The following PIK3C2G variants were observed in gnomAD, a reference collection of about 807,000 sequenced individuals.
The protein encoded by PIK3C2G is phosphatidylinositol-4-phosphate 3-kinase catalytic subunit type 2 gamma.
PIK3C2G carries 168 observed loss-of-function variants against 181.1 expected under a neutral mutation model. The ratio of observed to expected loss-of-function variants is 0.93; its 90% confidence interval spans 0.82 to 1.05. The LOEUF (loss-of-function observed/expected upper bound fraction) is 1.05, where lower values mean the gene tolerates loss of function less well. PIK3C2G is among the 50% of genes least tolerant of loss of function. The probability of loss-of-function intolerance (pLI) is 0.00; values close to 1 mark genes in which losing one functional copy is unlikely to be tolerated. For synonymous variants in PIK3C2G, 573 were observed against 592.2 expected (o/e 0.97, Z 0.47); for missense variants, 1,869 against 1,732.8 (o/e 1.08, Z -1.40).
intron 20 of PIK3C2G, among the ~76,000 whole-genome samples, chr12:18,494,711 G>A (rs941463411): frequency 3.9e-5 from 6 of 152,174 alleles, no homozygotes; most frequent in South Asian, 2.1e-4. Context: ...CTCATTTCTT[G>A]CCTCATACAG....
chr12:18,300,010 G>T (rs1374751052), intron 5 of PIK3C2G, among the ~76,000 whole-genome samples: 4 of 151,910 alleles, frequency 2.6e-5, no homozygotes, highest in Admixed American at 6.6e-5. Flanking sequence ...TGGTGGCTTT[G>T]TCTGGTTTTA....
chr12:18,245,374 G>C (rs1948029342), upstream of PIK3C2G, among the ~76,000 whole-genome samples: 1 of 151,930 alleles, frequency 6.6e-6, no homozygotes, highest in Non-Finnish European at 1.5e-5. Flanking sequence ...CGTAGTGAAA[G>C]ATTTACTTAC....
At chr12:18,303,901 G>A (rs1484584859) in intron 5 of PIK3C2G, among the ~76,000 whole-genome samples, 9 of 151,170 alleles carry the variant, frequency 6.0e-5, no homozygotes, top group Admixed American at 2.6e-4. Context: ...TTTAATTGAC[G>A]GTTGTCAAGG....
rs1442851907 is a variant in PIK3C2G at position 18,573,963 on chromosome 12, A to T, written c.4011+6906A>T. On this transcript the variant is annotated intron_variant, in intron 29 of 32. Coordinates refer to ENST00000538779, the MANE Select transcript of PIK3C2G (RefSeq NM_001288772.2). ...CTAAACCCTAATTCTGTCCCATCTC[A>T]CATGTGGATCAAAAAAGGCTTTTAA... is the stretch of plus-strand genomic sequence containing the variant. 3.3e-5 allele frequency among the ~76,000 whole-genome samples: 5 copies of T among 152,176 alleles called. No individual in the cohort carries two copies. The East Asian group carries it at 7.7e-4, about 24-fold the overall frequency.
At chr12:18,457,029 T>C (rs1275026017) in intron 18 of PIK3C2G, among the ~76,000 whole-genome samples, 2 of 152,112 alleles carry the variant, frequency 1.3e-5, no homozygotes, top group African/African-American at 2.4e-5. Context: ...AAATGGTGAC[T>C]TTCAAAGCAT....
intron 1 of PIK3C2G, chr12:18,248,229 C>T (rs1375267717): frequency 6.6e-6 from 1 of 152,190 alleles, no homozygotes; most frequent in East Asian, 1.9e-4. Flanking sequence ...CTCCTTAAAC[C>T]AATTTGCAAC....
chr12:18,708,083 T>A, the PIK3C2G span, among the ~76,000 whole-genome samples: 1 of 152,214 alleles, frequency 6.6e-6, no homozygotes, highest in Non-Finnish European at 1.5e-5. Flanking sequence ...TTACCTATAA[T>A]CCTCATATGA....
At chr12:18,571,444 A>T (rs1945938716) in intron 29 of PIK3C2G, among the ~76,000 whole-genome samples, 1 of 150,834 alleles carries the variant, frequency 6.6e-6, no homozygotes, top group Non-Finnish European at 1.5e-5. Flanking sequence ...GTAGAGGTTT[A>T]TAGAAATATT....
intron 24 of PIK3C2G, among the ~76,000 whole-genome samples, chr12:18,507,268 G>T (rs1941894266): frequency 6.6e-6 from 1 of 152,040 alleles, no homozygotes. Context: ...GGCCTCAAGT[G>T]ATCTCCTGCC....
chr12:18,246,893 C>G (rs1338075832), upstream of PIK3C2G, among the ~76,000 whole-genome samples: 2 of 152,044 alleles, frequency 1.3e-5, no homozygotes, highest in Admixed American at 1.3e-4. Context: ...AAGACGAATA[C>G]TATCATTTAA....
intron 1 of PIK3C2G, among the ~76,000 whole-genome samples, chr12:18,252,624 T>C (rs183000878): frequency 1.3e-5 from 2 of 152,154 alleles, no homozygotes; most frequent in Non-Finnish European, 2.9e-5. Flanking sequence ...CAAAAGGATA[T>C]GTATAATCTA....
chr12:18,449,418 C>G (rs1947219364), intron 18 of PIK3C2G, among the ~76,000 whole-genome samples: 1 of 152,102 alleles, frequency 6.6e-6, no homozygotes, highest in Admixed American at 6.6e-5. Context: ...GCTCCACATG[C>G]ATTAGGTATC....
At chr12:18,437,896 G>C (rs1377555363) in intron 18 of PIK3C2G, among the ~76,000 whole-genome samples, 1 of 151,838 alleles carries the variant, frequency 6.6e-6, no homozygotes, top group Non-Finnish European at 1.5e-5. Flanking sequence ...TGAGGAAAGA[G>C]AGTTTTATGT....
chr12:18,573,694 AG>A (rs1946089567), intron 29 of PIK3C2G, among the ~76,000 whole-genome samples: 1 of 152,194 alleles, frequency 6.6e-6, no homozygotes, highest in Admixed American at 6.5e-5. Flanking sequence ...TACTATCACC[AG>A]AAAATGGAGT....
the PIK3C2G span, among the ~76,000 whole-genome samples, chr12:18,675,913 C>A: frequency 3.9e-4 from 59 of 151,592 alleles, no homozygotes; most frequent in African/African-American, 1.4e-3. Flanking sequence ...TTTTTGGGTA[C>A]AATGTTAACT....
chr12:18,439,019 G>A (rs1435724384), intron 18 of PIK3C2G, among the ~76,000 whole-genome samples: 1 of 151,890 alleles, frequency 6.6e-6, no homozygotes, highest in Non-Finnish European at 1.5e-5. Flanking sequence ...TAATGACATG[G>A]AATTTGGATC....
At chr12:18,398,246 C>G (rs554194215) in intron 15 of PIK3C2G, among the ~76,000 whole-genome samples, 32 of 151,428 alleles carry the variant, frequency 2.1e-4, no homozygotes, top group African/African-American at 7.5e-4. Context: ...ACAAAAAGAG[C>G]TAAAAAAAAG....
the PIK3C2G span, among the ~76,000 whole-genome samples, chr12:18,668,086 A>G: frequency 6.6e-6 from 1 of 152,204 alleles, no homozygotes; most frequent in African/African-American, 2.4e-5. Context: ...TAATTATACT[A>G]AAAGAGTCAC....
chr12:18,261,764 C>G (rs751312692), intron 1 of PIK3C2G, among the ~76,000 whole-genome samples, 187 bp downstream of exon 1: 2 of 152,068 alleles, frequency 1.3e-5, no homozygotes, highest in Non-Finnish European at 2.9e-5. Flanking sequence ...AAATATTCCC[C>G]AAAATCTACA....
Sources: allele counts gnomAD v4.1 joint callset (sites outside exome capture counted in the v4.1 genomes callset), GRCh38; gene constraint gnomAD v4.1.1; transcripts MANE v1.5; gene names NCBI Gene and HGNC (gene_info 2026-07-23, HGNC 2026-07-21).